Variants in SMARCAL1 observed in about 807,000 individuals in gnomAD.
SMARCAL1 encodes SNF2 related chromatin remodeling annealing helicase 1, also known as ATP-driven annealing helicase.
In SMARCAL1, 58 loss-of-function variants were observed where a neutral mutation model predicts 94.5. The ratio of observed to expected loss-of-function variants is 0.61; its 90% CI spans 0.50 to 0.76. The LOEUF is 0.76. Among genes scored for constraint, SMARCAL1 ranks in the 30% least tolerant of loss-of-function variants. The pLI is 0.00. For synonymous variants in SMARCAL1, 422 were observed against 455.1 expected (o/e 0.93, Z 0.93); for missense variants, 1,051 against 1,177.9 (o/e 0.89, Z 1.58).
At chr2:216,443,049 C>T (rs765617793) in intron 10 of SMARCAL1, among the ~76,000 whole-genome samples, 4 of 152,004 alleles carry the variant, frequency 2.6e-5, no homozygotes, top group African/African-American at 4.8e-5. Flanking sequence ...GAGTTTGAAA[C>T]CTATAGTAAA....
intron 12 of SMARCAL1, among the ~76,000 whole-genome samples, chr2:216,461,500 G>A (rs972484518): frequency 1.6e-4 from 25 of 152,104 alleles, no homozygotes; most frequent in African/African-American, 5.8e-4. Context: ...ACTGTCTTAT[G>A]AAGACTTTTC....
In SMARCAL1 at chr2:216,475,392, G is replaced by A; in HGVS notation, c.2368G>A (p.Gly790Ser). ...AVLSITAANM[G>S]LTFSSADLVV... ...GCTGTCCATCACCGCTGCCAATATGGGCCTCACCTTCTCCTCGGCTGACCT... is the reference window on the plus strand; with the variant it reads ...GCTGTCCATCACCGCTGCCAATATGAGCCTCACCTTCTCCTCGGCTGACCT... Residue 790 changes from glycine (G) to serine (S), a missense_variant, in exon 15 of 18, where the codon GGC becomes AGC. Coordinates refer to ENST00000357276, the MANE Select transcript of SMARCAL1 (RefSeq NM_014140.4). This position sits in a 1 kb window ranked among gnomAD's most constrained non-coding sequence, Gnocchi z 4.4. The A allele has an allele frequency of 6.2e-7, 1 of 1,614,154 alleles. No homozygotes were observed. The highest frequency in any genetic ancestry group is 8.5e-7 in the Non-Finnish European group (1 of 1,180,020).
At chr2:216,419,074 C>T (rs2106019081) in intron 4 of SMARCAL1, among the ~76,000 whole-genome samples, 1 of 152,278 alleles carries the variant, frequency 6.6e-6, no homozygotes, top group East Asian at 1.9e-4. Flanking sequence ...TAGAGGAACA[C>T]CTTCGTACCT....
In SMARCAL1 at chr2:216,450,928, G is replaced by A. The variant is rs1281345070; in HGVS notation, c.1934G>A (p.Arg645His). Reference protein sequence around the residue: ...LLLEEAVMLRRLKSDVLSQLP... With the variant: ...LLLEEAVMLRHLKSDVLSQLP... ...CTGGAGGAAGCAGTCATGCTGCGGC[G>A]CCTCAAGTCCGACGTCCTTTCCCAG... The change falls in exon 12 of 18, where the codon CGC becomes CAC. Residue 645 changes from arginine to histidine, a missense_variant. This residue lies in a region of SMARCAL1 where 642 missense variants were observed against 754.7 expected (regional missense o/e 0.85). Transcript: ENST00000357276. 10 of 1,614,078 alleles carry A rather than the reference G, an allele frequency of 6.2e-6. No homozygotes were observed. Among genetic ancestry groups the A allele is most frequent in the South Asian group, 4.4e-5 (4 of 91,092 alleles).
chr2:216,440,375 G>A (rs920369901), intron 10 of SMARCAL1, among the ~76,000 whole-genome samples: 5 of 152,198 alleles, frequency 3.3e-5, no homozygotes, highest in Non-Finnish European at 5.9e-5. Flanking sequence ...GGCAAGCTGA[G>A]CCAGATAGTG....
chr2:216,483,020 G>C lies in SMARCAL1; in HGVS notation c.*43G>C. The C allele has an allele frequency of 6.2e-7, 1 of 1,606,496 alleles. No homozygotes were observed. Among genetic ancestry groups the C allele is most frequent in the Non-Finnish European group, 8.5e-7 (1 of 1,176,336 alleles). On this transcript the variant is annotated 3_prime_UTR_variant, in exon 18 of 18. Transcript: ENST00000357276. ...AAATAAAAAGCATTTTAAAATCATG[G>C]AATTGAAATAAAATAATGTATTTTG...
At chr2:216,438,961 T>C (rs1383524935) in intron 10 of SMARCAL1, among the ~76,000 whole-genome samples, 1 of 152,192 alleles carries the variant, frequency 6.6e-6, no homozygotes, top group African/African-American at 2.4e-5. Flanking sequence ...TACTTTTGCA[T>C]CAACCTAATA....
chr2:216,438,343 G>A, intron 9 of SMARCAL1, 77 bp from the exon 10 acceptor site: 10 of 1,268,980 alleles, frequency 7.9e-6, no homozygotes, highest in Middle Eastern at 3.7e-4. Context: ...GCCATGCCAG[G>A]GTCAAGCCTA....
chr2:216,467,208 C>G (rs553589109), intron 13 of SMARCAL1, among the ~76,000 whole-genome samples: 1 of 152,106 alleles, frequency 6.6e-6, no homozygotes, highest in Non-Finnish European at 1.5e-5. Flanking sequence ...CGGTGGCTCA[C>G]GCCTGTAATC....
intron 6 of SMARCAL1, chr2:216,427,205 C>T (rs374155348): frequency 7.9e-5 from 12 of 152,358 alleles, no homozygotes; most frequent in East Asian, 3.9e-4. Context: ...GCCGACAACA[C>T]GTCTGTCATC....
chr2:216,459,688 G>A lies in SMARCAL1; in HGVS notation c.2071-4909G>A, dbSNP rs796377033. Among the ~76,000 whole-genome samples the A allele has an allele frequency of 2.7e-4, 41 of 152,074 alleles. 1 individual carries two copies. In the East Asian group the frequency reaches 7.7e-3, roughly 29 times the overall value. ...ACACCTTATACAAAAATTAATTCAA[G>A]ATGGATTAAAGACTTAAATGTTAGA... On this transcript the variant is annotated intron_variant, in intron 12 of 17. Coordinates refer to ENST00000357276, the MANE Select transcript of SMARCAL1 (RefSeq NM_014140.4).
intron 7 of SMARCAL1, among the ~76,000 whole-genome samples, chr2:216,430,114 C>T (rs1202521747): frequency 2.0e-5 from 3 of 152,184 alleles, no homozygotes; most frequent in East Asian, 1.9e-4. Flanking sequence ...CCCCATTACC[C>T]CTGAGAGAGG....
chr2:216,432,058 G>A (rs1206700546), intron 7 of SMARCAL1, among the ~76,000 whole-genome samples: 1 of 150,410 alleles, frequency 6.6e-6, no homozygotes, highest in African/African-American at 2.5e-5. Context: ...TTTCGCTTTT[G>A]TTGCCCAGGC....
intron 14 of SMARCAL1, among the ~76,000 whole-genome samples, chr2:216,472,912 G>A (rs1244137865): frequency 6.6e-6 from 1 of 152,150 alleles, no homozygotes; most frequent in Non-Finnish European, 1.5e-5. Flanking sequence ...AATAATATCA[G>A]GAGCCTTAAA....
At chr2:216,423,421 A>G (rs1693766518) in intron 5 of SMARCAL1, among the ~76,000 whole-genome samples, 1 of 152,196 alleles carries the variant, frequency 6.6e-6, no homozygotes, top group Non-Finnish European at 1.5e-5. Context: ...TGTTGTCAGC[A>G]TCTCTGCCTC....
intron 12 of SMARCAL1, among the ~76,000 whole-genome samples, chr2:216,456,718 C>T (rs1694576353): frequency 6.6e-6 from 1 of 152,224 alleles, no homozygotes; most frequent in African/African-American, 2.4e-5. Context: ...AAGGAACAAC[C>T]AGTATCAGCC....
chr2:216,478,234 G>A lies in SMARCAL1; in HGVS notation c.2560G>A (p.Ala854Thr), dbSNP rs1695130009. 3 of 1,614,006 alleles carry A rather than the reference G, an allele frequency of 1.9e-6. No individual in the cohort carries two copies. Among genetic ancestry groups the A allele is most frequent in the Non-Finnish European group, 2.5e-6 (3 of 1,180,014 alleles). ...GATTCAAGAGAAGATTAAAGTTCTG[G>A]CAGAAGCCGGGCTTTCTGAGACCAA... is the stretch of plus-strand genomic sequence containing the variant. ...PLIQEKIKVL[A>T]EAGLSETNFS... Residue 854 changes from alanine to threonine, a missense_variant, in exon 17 of 18, where the codon GCA (alanine) becomes ACA (threonine). Physicochemically the swap from Ala to Thr is moderately conservative, Grantham distance 58. Transcript: ENST00000357276.
At chr2:216,442,365 G>A (rs574246778) in intron 10 of SMARCAL1, among the ~76,000 whole-genome samples, 13 of 150,766 alleles carry the variant, frequency 8.6e-5, no homozygotes, top group Admixed American at 2.0e-4. Context: ...TGCCCTGAGC[G>A]GAGATCGCAC....
chr2:216,481,534 C>T (rs1033460443), intron 17 of SMARCAL1, among the ~76,000 whole-genome samples: 1 of 149,694 alleles, frequency 6.7e-6, no homozygotes, highest in African/African-American at 2.5e-5. Flanking sequence ...GACAGAGTCT[C>T]ACTCTGTCAC....
Sources: allele counts gnomAD v4.1 joint callset (sites outside exome capture counted in the v4.1 genomes callset), GRCh38; gene constraint gnomAD v4.1.1; regional missense constraint gnomAD v4.1.1; non-coding constraint Gnocchi (gnomAD v3.1); transcripts MANE v1.5; gene names NCBI Gene and HGNC (gene_info 2026-07-23, HGNC 2026-07-21).